The following NTNG2 variants were observed in gnomAD, a reference collection of about 807,000 sequenced individuals.
NTNG2 encodes netrin G2, also known as netrin-G2.
In NTNG2, 15 loss-of-function variants were observed where a neutral mutation model predicts 47.6. The observed-to-expected ratio is 0.32, with a 90% CI of 0.21 to 0.49. NTNG2 has a LOEUF of 0.49. Ranked by LOEUF, NTNG2 falls within the 20% of genes least tolerant of loss-of-function variation. The pLI is 0.99. For synonymous variants in NTNG2, 307 were observed against 324.6 expected (o/e 0.95, Z 0.58); for missense variants, 578 against 764.6 (o/e 0.76, Z 2.88).
chr9:132,190,168 G>T (rs1441522906), intron 2 of NTNG2, among the ~76,000 whole-genome samples: 2 of 144,042 alleles, frequency 1.4e-5, no homozygotes, highest in African/African-American at 5.2e-5. Context: ...GGGAGGCAGA[G>T]CTTGCAGTGA....
chr9:132,198,329 G>A lies in NTNG2; in HGVS notation c.577G>A (p.Val193Met), dbSNP rs1411722755. Residue 193 changes from valine to methionine, a missense_variant, in exon 3 of 8, where the codon GTG becomes ATG. By Grantham distance (21) the Val-to-Met change is conservative. Transcript: ENST00000393229. ...CATGTCATCCTCCAGCGCGCACCGCGTGCTCTGCACCGAGGAGTACTCGCG... is the reference window on the plus strand; with the variant it reads ...CATGTCATCCTCCAGCGCGCACCGCATGCTCTGCACCGAGGAGTACTCGCG... ...RDMSSSSAHR[V>M]LCTEEYSRWA... 4 of 1,612,646 alleles carry A rather than the reference G, an allele frequency of 2.5e-6. No homozygotes were observed. Among genetic ancestry groups the A allele is most frequent in the African/African-American group, 2.7e-5 (2 of 74,946 alleles).
rs564751379 is a variant in NTNG2, at chr9:132,226,439, T to A, written c.858-410T>A. Among the ~76,000 whole-genome samples, 11 of 152,234 alleles carry A rather than the reference T, an allele frequency of 7.2e-5. 1 individual carries two copies. The East Asian group carries it at 2.1e-3, about 29-fold the overall frequency. ...CAATGAAGTGCAGCCCATGGCCAAGTCTCTGTCTACACCAGGTGCTGGCAG... is the reference window on the plus strand; with the variant it reads ...CAATGAAGTGCAGCCCATGGCCAAGACTCTGTCTACACCAGGTGCTGGCAG... On this transcript the variant is annotated intron_variant, in intron 3 of 7. Transcript: ENST00000393229. This position sits in a 1 kb window ranked among gnomAD's most constrained non-coding sequence, Gnocchi z 4.8.
At chr9:132,207,663 T>C (rs1442556300) in intron 3 of NTNG2, among the ~76,000 whole-genome samples, 1 of 152,180 alleles carries the variant, frequency 6.6e-6, no homozygotes, top group African/African-American at 2.4e-5. Context: ...GAGACACGAT[T>C]TGGCCCACAG....
chr9:132,183,062 A>G (rs1427780447), intron 2 of NTNG2, among the ~76,000 whole-genome samples: 1 of 152,166 alleles, frequency 6.6e-6, no homozygotes, highest in Non-Finnish European at 1.5e-5. Context: ...GTCGTCTTAA[A>G]ACTGAAAGAC....
At chr9:132,170,585 G>C (rs377071434) in intron 2 of NTNG2, among the ~76,000 whole-genome samples, 2 of 152,190 alleles carry the variant, frequency 1.3e-5, no homozygotes, top group African/African-American at 4.8e-5. Flanking sequence ...GCCCCTTAGC[G>C]CTCTGCAAGA....
intron 2 of NTNG2, among the ~76,000 whole-genome samples, chr9:132,185,567 T>C (rs1837298943): frequency 6.6e-6 from 1 of 151,978 alleles, no homozygotes; most frequent in South Asian, 2.1e-4. Flanking sequence ...CTCTAAGCAT[T>C]TTCTAAGTCC....
chr9:132,200,159 G>C (rs1050611958), intron 3 of NTNG2, among the ~76,000 whole-genome samples: 1 of 152,204 alleles, frequency 6.6e-6, no homozygotes, highest in Non-Finnish European at 1.5e-5. Context: ...CTAAAAAAAA[G>C]TGTTTAATAA....
chr9:132,225,692 G>A (rs910448960), intron 3 of NTNG2, among the ~76,000 whole-genome samples: 41 of 152,122 alleles, frequency 2.7e-4, no homozygotes, highest in African/African-American at 7.5e-4. Flanking sequence ...ATAAATATAC[G>A]TTCCATTTGT....
At chr9:132,174,684 G>C (rs543211635) in intron 2 of NTNG2, among the ~76,000 whole-genome samples, 35 of 152,340 alleles carry the variant, frequency 2.3e-4, no homozygotes, top group African/African-American at 7.7e-4. Flanking sequence ...CTCTGTGAGA[G>C]GCTGAGGTGG....
intron 2 of NTNG2, among the ~76,000 whole-genome samples, chr9:132,172,899 T>A (rs112218448): frequency 4.1e-4 from 63 of 152,008 alleles, no homozygotes; most frequent in African/African-American, 1.4e-3. Context: ...CAGGCTAATT[T>A]TTTGTATTTT....
rs375553791 is a variant in NTNG2 at position 132,187,249 on chromosome 9, G to A, written c.214-10717G>A. ...CTGGGGAGGCAGCGCTTGGAGGCTC[G>A]CTTGCCTGCCCCTGCCTGAGTAATT... On this transcript the variant is annotated intron_variant, in intron 2 of 7. Coordinates refer to ENST00000393229, the MANE Select transcript of NTNG2 (RefSeq NM_032536.4). 1.6e-4 allele frequency among the ~76,000 whole-genome samples: 25 copies of A among 152,328 alleles called. No individual in the cohort carries two copies. The East Asian group carries it at 2.9e-3, about 18-fold the overall frequency.
rs541236654 is a variant in NTNG2, at chr9:132,239,613, A to C, written c.1222+342A>C. ...TGGCAGGCACTCAGTGGCAGAGGCC[A>C]CTGAGCATCTGTCTGGGGCTGGTGT... On this transcript the variant is annotated intron_variant, in intron 6 of 7. Transcript: ENST00000393229. Among the ~76,000 whole-genome samples, 7 of 152,266 alleles carry C rather than the reference A, an allele frequency of 4.6e-5. No individual in the cohort carries two copies. The South Asian group carries it at 1.4e-3, about 32-fold the overall frequency.
rs1377138925 is a variant in NTNG2, at chr9:132,226,280, G to A, written c.858-569G>A. 1.3e-5 allele frequency among the ~76,000 whole-genome samples: 2 copies of A among 152,232 alleles called. No homozygotes were observed. Among genetic ancestry groups the A allele is most frequent in the East Asian group, 1.9e-4 (1 of 5,204 alleles). The stretch of plus-strand genomic sequence containing the variant: ...GTCGCCTATAAATATTTGAATGAAT[G>A]GATGAATAATACACCTGTGAATGAA... On this transcript the variant is annotated intron_variant, in intron 3 of 7. Coordinates refer to ENST00000393229, the MANE Select transcript of NTNG2 (RefSeq NM_032536.4). This position sits in a 1 kb window ranked among gnomAD's most constrained non-coding sequence, Gnocchi z 4.8.
Position 132,166,897 on chromosome 9 carries a change from C to T in NTNG2, c.66C>T (p.Cys22=), listed in dbSNP as rs765317326. 2 of 1,614,248 alleles carry T rather than the reference C, an allele frequency of 1.2e-6. No homozygotes were observed. Among genetic ancestry groups the T allele is most frequent in the Admixed American group, 1.7e-5 (1 of 60,034 alleles). ...LPLASGDYDI[C]KSWVTTDEGP... is the part of the protein sequence containing the mutation. Reference sequence around the variant, plus strand: ...TGGCCTCTGGGGACTATGACATCTGCAAATCCTGGGTGACCACAGATGAGG... The same window carrying T: ...TGGCCTCTGGGGACTATGACATCTGTAAATCCTGGGTGACCACAGATGAGG... Residue 22 remains cysteine, a synonymous_variant, in exon 2 of 8, where the codon TGC becomes TGT. Transcript: ENST00000393229.
rs1185677500 is a variant in NTNG2, at chr9:132,198,433, G to T, written c.681G>T (p.Leu227=). The change falls in exon 3 of 8, where the codon CTG becomes CTT. Residue 227 remains leucine, a synonymous_variant. Coordinates refer to ENST00000393229, the MANE Select transcript of NTNG2 (RefSeq NM_032536.4). ...DRFAIFAGPD[L]RNMDNLYTRL... is the part of the protein sequence containing the mutation. ...TCGCCATCTTTGCCGGCCCCGACCTGCGCAACATGGACAACCTCTACACGC... is the reference window on the plus strand; with the variant it reads ...TCGCCATCTTTGCCGGCCCCGACCTTCGCAACATGGACAACCTCTACACGC... 1.2e-6 allele frequency: 2 copies of T among 1,613,114 alleles called. No homozygotes were observed. The highest frequency in any genetic ancestry group is 4.5e-5 in the East Asian group (2 of 44,884).
chr9:132,214,275 C>G (rs912672332), intron 3 of NTNG2, among the ~76,000 whole-genome samples: 1 of 152,242 alleles, frequency 6.6e-6, no homozygotes, highest in Non-Finnish European at 1.5e-5. Flanking sequence ...GCCCCGCTCA[C>G]GATTTTTGTG....
rs1205330809 is a variant in NTNG2 at position 132,242,154 on chromosome 9, C to T, written c.*43C>T. The T allele has an allele frequency of 4.1e-6, 4 of 975,692 alleles. No individual in the cohort carries two copies. The African/African-American group carries it at 7.0e-5, about 17-fold the overall frequency. 60.4% of individuals were successfully genotyped at this position (975,692 alleles called of 1,614,324 possible). On this transcript the variant is annotated 3_prime_UTR_variant, in exon 8 of 8. Coordinates refer to ENST00000393229, the MANE Select transcript of NTNG2 (RefSeq NM_032536.4). This position sits in a 1 kb window ranked among gnomAD's most constrained non-coding sequence, Gnocchi z 5.9. ...CTCCCCGCACCCGGAGGCCGGGGGT[C>T]CCGGGGTCCCGGGGCGGGGCCGGCG...
intron 7 of NTNG2, chr9:132,241,349 C>A (rs1309401777): frequency 2.4e-6 from 1 of 422,432 alleles, no homozygotes; most frequent in East Asian, 4.6e-5. Flanking sequence ...CCTAGCGAGA[C>A]GGAGCTGGCA....
At chr9:132,178,342 G>A (rs1352120746) in intron 2 of NTNG2, among the ~76,000 whole-genome samples, 1 of 152,080 alleles carries the variant, frequency 6.6e-6, no homozygotes, top group Non-Finnish European at 1.5e-5. Context: ...CCTCTCCCAC[G>A]CAGCCAGGCA....
Sources: gnomAD v4.1 joint callset for allele counts (sites outside exome capture counted in the v4.1 genomes callset) on GRCh38, gnomAD v4.1.1 for gene constraint, Gnocchi (gnomAD v3.1) non-coding constraint, MANE v1.5 for transcripts, NCBI Gene and HGNC (gene_info 2026-07-23, HGNC 2026-07-21) for gene names.